The following GPRIN3 variants were observed in gnomAD, a reference collection of about 807,000 sequenced individuals.
GPRIN3 encodes the protein GPRIN family member 3.
GPRIN3 carries 12 observed loss-of-function variants against 13.7 expected under a neutral mutation model. The observed-to-expected ratio is 0.87, with a 90% CI of 0.56 to 1.42. GPRIN3 has a LOEUF of 1.42. GPRIN3 is among the 40% of genes most tolerant of loss of function. The pLI is 0.00. For synonymous variants in GPRIN3, 377 were observed against 372.7 expected (o/e 1.01, Z -0.13); for missense variants, 1,009 against 958.7 (o/e 1.05, Z -0.69).
At chr4:89,302,471 C>CCAGATT (rs925917897) in intron 1 of GPRIN3, among the ~76,000 whole-genome samples, 14 of 152,144 alleles carry the variant, frequency 9.2e-5, no homozygotes, top group African/African-American at 1.9e-4. Flanking sequence ...AGCCCCACCT[C>CCAGATT]CAGATTCAGA....
At chr4:89,266,883 A>G (rs1578089532) in intron 1 of GPRIN3, among the ~76,000 whole-genome samples, 1 of 152,274 alleles carries the variant, frequency 6.6e-6, no homozygotes, top group African/African-American at 2.4e-5. Flanking sequence ...TTAGGAATAT[A>G]TGTGTCATTT....
At position 89,270,550 on chromosome 4, in the gene GPRIN3, A is replaced by T. The variant is rs189624477; in HGVS notation, c.-123-20317T>A. Among the ~76,000 whole-genome samples the T allele has an allele frequency of 8.0e-3, 919 of 115,262 alleles. 9 individuals are homozygous for T. The highest frequency in any genetic ancestry group is 0.028 in the African/African-American group (790 of 28,504). The allele number at this position is 115,262 out of a possible 152,430, so 75.6% of individuals were successfully genotyped here. ...TCTCTCATATATATTATATATATTT[A>T]TATATGTATATAATTTATATATATA... On this transcript the variant is annotated intron_variant, in intron 1 of 1. Coordinates refer to ENST00000609438, the MANE Select transcript of GPRIN3 (RefSeq NM_198281.3).
intron 1 of GPRIN3, among the ~76,000 whole-genome samples, chr4:89,275,750 G>A (rs1163359432): frequency 1.3e-5 from 2 of 152,258 alleles, no homozygotes; most frequent in Non-Finnish European, 2.9e-5. Context: ...CTTTAATGAA[G>A]TAGACCTTTG....
chr4:89,250,432 T>C (rs908988293), intron 1 of GPRIN3, 199 bp from the exon 2 acceptor site: 4 of 213,944 alleles, frequency 1.9e-5, no homozygotes, highest in Non-Finnish European at 3.6e-5. Flanking sequence ...AAAAAAATTA[T>C]AATTACGAAA....
intron 1 of GPRIN3, among the ~76,000 whole-genome samples, chr4:89,293,108 T>C (rs1354981418): frequency 6.6e-6 from 1 of 152,226 alleles, no homozygotes; most frequent in African/African-American, 2.4e-5. Context: ...AAAATTTGCA[T>C]AAGTCTATAG....
intron 1 of GPRIN3, among the ~76,000 whole-genome samples, chr4:89,305,175 T>G (rs1400626950): frequency 1.3e-5 from 2 of 152,182 alleles, no homozygotes; most frequent in African/African-American, 4.8e-5. Context: ...CACACTGTTT[T>G]TCAACCACCT....
At chr4:89,264,709 T>C (rs1723736705) in intron 1 of GPRIN3, among the ~76,000 whole-genome samples, 1 of 152,120 alleles carries the variant, frequency 6.6e-6, no homozygotes, top group African/African-American at 2.4e-5. Context: ...TGCTCATATG[T>C]CCATTTGCAA....
chr4:89,270,573 A>ATATATTTATATATGTATATAATT (rs1561205448), intron 1 of GPRIN3, among the ~76,000 whole-genome samples: 29 of 95,552 alleles, frequency 3.0e-4, no homozygotes, highest in African/African-American at 1.8e-3. Flanking sequence ...ATTTATATAT[A>ATATATTTATATATGTATATAATT]TATATATATA....
intron 1 of GPRIN3, among the ~76,000 whole-genome samples, chr4:89,283,669 C>G (rs548951286): frequency 5.3e-5 from 8 of 152,086 alleles, no homozygotes; most frequent in African/African-American, 1.9e-4. Flanking sequence ...GAAGGCCCAC[C>G]CAAGGCCTCT....
rs1306917882 is a variant in GPRIN3 at position 89,242,203 on chromosome 4, T to A, written c.*5577A>T. The stretch of plus-strand genomic sequence containing the variant: ...TTTGAGCTTGAATCCAGAAAGATAC[T>A]TGATGAAGAGTTAGCATTTAGAAGT... On this transcript the variant is annotated 3_prime_UTR_variant, in exon 2 of 2. Coordinates refer to ENST00000609438, the MANE Select transcript of GPRIN3 (RefSeq NM_198281.3). The A allele has an allele frequency of 1.3e-5, 2 of 152,230 alleles. No individual in the cohort carries two copies. The highest frequency in any genetic ancestry group is 3.8e-4 in the East Asian group (2 of 5,204). 9.4% of individuals were successfully genotyped at this position (152,230 alleles called of 1,614,324 possible). A position where few individuals can be genotyped will look rare whatever the true frequency, so the allele number is the denominator to read the frequency against.
rs753373957 is a variant in GPRIN3, at chr4:89,248,846, G to T, written c.1265C>A (p.Ser422Ter). ...GGCATTACTGGAGACCAAATTGATT[G>T]ATGAGGTTTTAAGGACCCCACCTGG... ...SLPGGVLKTS[S>*]INLVSSNAQH... The change falls in exon 2 of 2, where the codon TCA (serine) becomes TAA (stop). Residue 422 changes from serine to a stop codon, truncating the protein, a stop_gained. Coordinates refer to ENST00000609438, the MANE Select transcript of GPRIN3 (RefSeq NM_198281.3). LOFTEE classifies it low-confidence loss of function (END_TRUNC). 5.0e-6 allele frequency: 8 copies of T among 1,614,036 alleles called. No individual in the cohort carries two copies. In the South Asian group the frequency reaches 8.8e-5, roughly 18 times the overall value.
intron 1 of GPRIN3, among the ~76,000 whole-genome samples, chr4:89,304,712 T>C (rs1429113022): frequency 6.6e-6 from 1 of 152,224 alleles, no homozygotes; most frequent in Non-Finnish European, 1.5e-5. Context: ...ATGTTTGCCT[T>C]TTGGAGTCAT....
At chr4:89,280,711 A>G (rs1326882399) in intron 1 of GPRIN3, among the ~76,000 whole-genome samples, 1 of 152,220 alleles carries the variant, frequency 6.6e-6, no homozygotes, top group Non-Finnish European at 1.5e-5. Context: ...GGTGGGCCCT[A>G]AATCCAATAT....
At chr4:89,285,050 A>G (rs1476595338) in intron 1 of GPRIN3, among the ~76,000 whole-genome samples, 1 of 152,072 alleles carries the variant, frequency 6.6e-6, no homozygotes, top group Non-Finnish European at 1.5e-5. Context: ...CTGTGGCCCC[A>G]CAGAGGAGTG....
chr4:89,273,523 C>T (rs1724015427), intron 1 of GPRIN3, among the ~76,000 whole-genome samples: 1 of 152,092 alleles, frequency 6.6e-6, no homozygotes, highest in Non-Finnish European at 1.5e-5. Flanking sequence ...CCTGTCTCTA[C>T]TAAAAATACA....
At chr4:89,272,226 G>T (rs1466118163) in intron 1 of GPRIN3, among the ~76,000 whole-genome samples, 1 of 152,168 alleles carries the variant, frequency 6.6e-6, no homozygotes, top group East Asian at 1.9e-4. Flanking sequence ...TGGAAATGGG[G>T]CCTGTATCTT....
chr4:89,253,220 A>G (rs1032355169), intron 1 of GPRIN3, among the ~76,000 whole-genome samples: 3 of 152,196 alleles, frequency 2.0e-5, no homozygotes, highest in African/African-American at 7.2e-5. Context: ...GGTCTTGTGC[A>G]TAAAAAGTTG....
intron 1 of GPRIN3, among the ~76,000 whole-genome samples, chr4:89,263,420 G>T (rs780358438): frequency 9.2e-5 from 14 of 152,212 alleles, no homozygotes; most frequent in Non-Finnish European, 1.9e-4. Context: ...GTGCACTGGG[G>T]TGGAGGCCCA....
intron 1 of GPRIN3, among the ~76,000 whole-genome samples, chr4:89,265,192 C>T (rs1020318630): frequency 6.6e-6 from 1 of 152,014 alleles, no homozygotes; most frequent in Non-Finnish European, 1.5e-5. Flanking sequence ...AATACTGCCA[C>T]CATAATTATT....
Sources: allele counts gnomAD v4.1 joint callset (sites outside exome capture counted in the v4.1 genomes callset), GRCh38; gene constraint gnomAD v4.1.1; transcripts MANE v1.5; gene names NCBI Gene and HGNC (gene_info 2026-07-23, HGNC 2026-07-21).